BTRC: variants seen among roughly 807,000 people sequenced by gnomAD.
The protein encoded by BTRC is F-box/WD repeat-containing protein 1A.
In BTRC, 42 loss-of-function variants were observed where a neutral mutation model predicts 85.5. The ratio of observed to expected loss-of-function variants is 0.49; its 90% CI spans 0.38 to 0.64. BTRC has a LOEUF of 0.64. BTRC is among the 30% of genes least tolerant of loss of function. The probability of loss-of-function intolerance (pLI) is 0.00; values close to 1 mark genes in which losing one functional copy is unlikely to be tolerated. For synonymous variants in BTRC, 255 were observed against 263.3 expected (o/e 0.97, Z 0.30); for missense variants, 594 against 743.5 (o/e 0.80, Z 2.34).
intron 1 of BTRC, among the ~76,000 whole-genome samples, chr10:101,429,219 C>G (rs1199696431): frequency 2.0e-5 from 3 of 151,928 alleles, no homozygotes; most frequent in Non-Finnish European, 4.4e-5. Context: ...TAATAGCACT[C>G]AAGTTGATGG....
At chr10:101,421,610 TC>T (rs1365999946) in intron 1 of BTRC, among the ~76,000 whole-genome samples, 1 of 79,818 alleles carries the variant, frequency 1.3e-5, no homozygotes, top group East Asian at 4.6e-4. Flanking sequence ...ATGCTATCCC[TC>T]CCCCCTCCCC....
At chr10:101,453,513 T>C (rs1282038925) in intron 2 of BTRC, 1 of 152,234 alleles carries the variant, frequency 6.6e-6, no homozygotes, top group African/African-American at 2.4e-5. Flanking sequence ...TCAGGCTCTG[T>C]TGCACCATCC....
intron 1 of BTRC, among the ~76,000 whole-genome samples, chr10:101,366,766 TTATATATA>T (rs375980263): frequency 9.8e-5 from 5 of 50,924 alleles, no homozygotes; most frequent in Non-Finnish European, 1.3e-4. Flanking sequence ...CTTAATCTAG[TTATATATA>T]TATATATATA....
chr10:101,399,237 G>A (rs932897689), intron 1 of BTRC, among the ~76,000 whole-genome samples: 3 of 151,654 alleles, frequency 2.0e-5, no homozygotes, highest in African/African-American at 7.3e-5. Context: ...TTACAGGCGT[G>A]AGCCATCATG....
At chr10:101,480,752 T>C (rs1945812608) in intron 4 of BTRC, among the ~76,000 whole-genome samples, 1 of 152,130 alleles carries the variant, frequency 6.6e-6, no homozygotes, top group Non-Finnish European at 1.5e-5. Context: ...ATAAGAAATA[T>C]CAGAATTTAT....
intron 1 of BTRC, among the ~76,000 whole-genome samples, chr10:101,387,542 T>TTTTTTTTTTTTTTTTTTTTTTTTTA (rs1162278101): frequency 7.5e-6 from 1 of 133,632 alleles, no homozygotes; most frequent in East Asian, 2.3e-4. Flanking sequence ...TTTTTTTTTT[T>TTTTTTTTTTTTTTTTTTTTTTTTTA]TTTTGAGATA....
chr10:101,406,444 G>A (rs921433466), intron 1 of BTRC, among the ~76,000 whole-genome samples: 7 of 150,934 alleles, frequency 4.6e-5, no homozygotes, highest in East Asian at 2.0e-4. Flanking sequence ...GATTACAGGC[G>A]TGAGCCACTG....
At chr10:101,512,137 C>T (rs2134333570) in intron 4 of BTRC, among the ~76,000 whole-genome samples, 1 of 152,320 alleles carries the variant, frequency 6.6e-6, no homozygotes, top group East Asian at 1.9e-4. Context: ...ACTCAATAAA[C>T]TGTTGTTGGT....
At chr10:101,519,649 T>G (rs2062074503) in intron 4 of BTRC, among the ~76,000 whole-genome samples, 1 of 152,212 alleles carries the variant, frequency 6.6e-6, no homozygotes, top group African/African-American at 2.4e-5. Context: ...CAGCAATACC[T>G]ACATTACTGT....
chr10:101,526,944 A>AT (rs1231531801), intron 6 of BTRC, among the ~76,000 whole-genome samples: 1 of 152,130 alleles, frequency 6.6e-6, no homozygotes, highest in Non-Finnish European at 1.5e-5. Flanking sequence ...GACTTCACTA[A>AT]TTTTTTTGTT....
At chr10:101,469,960 A>G (rs1483154103) in intron 3 of BTRC, among the ~76,000 whole-genome samples, 1 of 152,144 alleles carries the variant, frequency 6.6e-6, no homozygotes, top group Non-Finnish European at 1.5e-5. Context: ...AATATATCGC[A>G]GTTTGTTTTC....
At chr10:101,459,816 AT>A (rs1415508325) in intron 2 of BTRC, among the ~76,000 whole-genome samples, 1 of 152,136 alleles carries the variant, frequency 6.6e-6, no homozygotes, top group Non-Finnish European at 1.5e-5. Context: ...TAAAAAGAAA[AT>A]TGTGAGTATG....
At position 101,410,169 on chromosome 10, in the gene BTRC, A is replaced by G. The variant is rs554860933; in HGVS notation, c.49-20176A>G. Reference sequence around the variant, plus strand: ...TTACTGATAAAGCTTCTTCTAGTACATCTGGATTTCCTGGTATGCTTCTCT... The same window carrying G: ...TTACTGATAAAGCTTCTTCTAGTACGTCTGGATTTCCTGGTATGCTTCTCT... On this transcript the variant is annotated intron_variant, in intron 1 of 14. Transcript: ENST00000370187. Among the ~76,000 whole-genome samples, 39 of 152,308 alleles carry G rather than the reference A, an allele frequency of 2.6e-4. 1 individual carries two copies. In the South Asian group the frequency reaches 8.1e-3, roughly 32 times the overall value.
chr10:101,507,484 A>G (rs1946573155), intron 4 of BTRC, among the ~76,000 whole-genome samples: 1 of 152,222 alleles, frequency 6.6e-6, no homozygotes, highest in South Asian at 2.1e-4. Context: ...AATTAACTAA[A>G]TGAGAAAGTT....
chr10:101,472,685 C>T (rs983465885), intron 3 of BTRC, among the ~76,000 whole-genome samples: 16 of 152,074 alleles, frequency 1.1e-4, no homozygotes, highest in African/African-American at 3.9e-4. Context: ...CATGGTGGCG[C>T]ACACCTGTAG....
intron 1 of BTRC, among the ~76,000 whole-genome samples, chr10:101,358,136 G>T (rs1196706065): frequency 2.0e-5 from 3 of 152,174 alleles, no homozygotes; most frequent in Non-Finnish European, 4.4e-5. Flanking sequence ...TTGAGACAGG[G>T]TCTCACTATG....
intron 13 of BTRC, among the ~76,000 whole-genome samples, chr10:101,547,744 A>T (rs9419929): frequency 0.63 from 95,027 of 151,326 alleles, 30,974 homozygotes; most frequent in East Asian, 0.85. Flanking sequence ...GAAATTTTTT[A>T]AAAAATCTCG....
chr10:101,360,521 C>T (rs1372277524), intron 1 of BTRC, among the ~76,000 whole-genome samples: 2 of 151,802 alleles, frequency 1.3e-5, no homozygotes, highest in Non-Finnish European at 2.9e-5. Flanking sequence ...TTACAGGCAC[C>T]TGCCATCATC....
chr10:101,387,836 T>A (rs138048012), intron 1 of BTRC, among the ~76,000 whole-genome samples: 1,799 of 151,870 alleles, frequency 0.012, 54 homozygotes, highest in East Asian at 0.055. Flanking sequence ...ATTACAGGTG[T>A]GTGCCACCAT....
Sources: allele counts gnomAD v4.1 joint callset (sites outside exome capture counted in the v4.1 genomes callset), GRCh38; gene constraint gnomAD v4.1.1; transcripts MANE v1.5; gene names NCBI Gene and HGNC (gene_info 2026-07-23, HGNC 2026-07-21).